The following DCDC2 variants were observed in gnomAD, a reference collection of about 807,000 sequenced individuals.
DCDC2 encodes doublecortin domain containing 2.
A neutral mutation model predicts 50.2 loss-of-function variants in DCDC2; 40 were observed. The ratio of observed to expected loss-of-function variants is 0.80; its 90% CI spans 0.62 to 1.04. DCDC2 has a LOEUF of 1.04. DCDC2 is among the 50% of genes least tolerant of loss of function. The pLI, the probability that DCDC2 is intolerant of heterozygous loss-of-function variation, is 0.00. For missense variants in DCDC2, 570 were observed against 581.9 expected, an observed-to-expected ratio of 0.98 and a Z score of 0.21; for synonymous variants, 234 against 210.6, an observed-to-expected ratio of 1.11 and a Z score of -0.96.
chr6:24,373,736 TG>T, the DCDC2 span, among the ~76,000 whole-genome samples: 1 of 152,246 alleles, frequency 6.6e-6, no homozygotes, highest in East Asian at 1.9e-4. Flanking sequence ...TTATTGTTAA[TG>T]CTTTATGCTG....
chr6:24,376,411 G>A, the DCDC2 span, among the ~76,000 whole-genome samples: 1 of 152,264 alleles, frequency 6.6e-6, no homozygotes, highest in East Asian at 1.9e-4. Flanking sequence ...GCTGGCAAGA[G>A]ACAGCGTCAT....
intron 2 of DCDC2, among the ~76,000 whole-genome samples, chr6:24,343,240 C>T (rs1249625729): frequency 3.3e-5 from 5 of 151,774 alleles, no homozygotes; most frequent in East Asian, 3.9e-4. Flanking sequence ...TTAGTAGAGA[C>T]GGGTTTCACC....
chr6:24,334,506 T>C (rs1039458266), intron 2 of DCDC2, among the ~76,000 whole-genome samples: 9 of 152,188 alleles, frequency 5.9e-5, no homozygotes, highest in Admixed American at 1.3e-4. Context: ...AAATCATCAA[T>C]AGCTGCTTTC....
At chr6:24,178,887 A>G (rs145877016) in intron 8 of DCDC2, among the ~76,000 whole-genome samples, 9 of 152,218 alleles carry the variant, frequency 5.9e-5, no homozygotes, top group South Asian at 4.2e-4. Flanking sequence ...TGAGAAAACT[A>G]AACAGGTGGA....
At chr6:24,238,337 T>C (rs1762497951) in intron 7 of DCDC2, among the ~76,000 whole-genome samples, 1 of 150,942 alleles carries the variant, frequency 6.6e-6, no homozygotes, top group East Asian at 2.0e-4. Context: ...CTTGTTCTGT[T>C]GCCCAGGCTG....
intron 2 of DCDC2, among the ~76,000 whole-genome samples, chr6:24,316,127 T>C (rs528617317): frequency 1.3e-5 from 2 of 152,246 alleles, no homozygotes; most frequent in Non-Finnish European, 2.9e-5. Flanking sequence ...ACATTACATC[T>C]GAGATGCCTA....
intron 2 of DCDC2, among the ~76,000 whole-genome samples, chr6:24,305,796 G>C (rs1022766050): frequency 7.9e-5 from 12 of 152,036 alleles, no homozygotes; most frequent in Admixed American, 2.6e-4. Flanking sequence ...GGAGGCCAAG[G>C]GGGGGTGGAT....
intron 7 of DCDC2, among the ~76,000 whole-genome samples, chr6:24,243,541 A>G (rs1167409124): frequency 6.6e-6 from 1 of 152,040 alleles, no homozygotes; most frequent in Non-Finnish European, 1.5e-5. Flanking sequence ...TATGAGTGTT[A>G]GCTATTGTTA....
At chr6:24,249,910 G>A (rs73726633) in intron 7 of DCDC2, among the ~76,000 whole-genome samples, 8,923 of 152,228 alleles carry the variant, frequency 0.059, 494 homozygotes, top group East Asian at 0.33. Context: ...GGGAATCACT[G>A]ATTGTAGTCT....
intron 7 of DCDC2, among the ~76,000 whole-genome samples, chr6:24,242,879 T>C (rs536154914): frequency 6.6e-6 from 1 of 151,984 alleles, no homozygotes; most frequent in African/African-American, 2.4e-5. Flanking sequence ...GGAGAATTGC[T>C]TGAAACCAAG....
chr6:24,223,498 G>A (rs376100185), intron 7 of DCDC2, among the ~76,000 whole-genome samples: 2 of 152,156 alleles, frequency 1.3e-5, no homozygotes, highest in East Asian at 3.8e-4. Context: ...ACTCATGCAG[G>A]TTGCAACAAT....
intron 4 of DCDC2, among the ~76,000 whole-genome samples, chr6:24,297,200 A>T (rs1228549491): frequency 1.3e-5 from 2 of 152,192 alleles, no homozygotes; most frequent in East Asian, 3.9e-4. Flanking sequence ...TCCTTTACAA[A>T]CTAACACAGG....
chr6:24,204,494 G>A (rs899000258), intron 8 of DCDC2, among the ~76,000 whole-genome samples: 14 of 152,072 alleles, frequency 9.2e-5, no homozygotes, highest in African/African-American at 3.4e-4. Context: ...TCAGGGTTTG[G>A]GGAGCTAGGG....
chr6:24,208,740 T>A (rs1309022151), intron 7 of DCDC2, among the ~76,000 whole-genome samples: 3 of 152,204 alleles, frequency 2.0e-5, no homozygotes, highest in African/African-American at 2.4e-5. Context: ...CAATTTCTTT[T>A]ACCAATTCTG....
rs1760817044 is a variant in DCDC2 at position 24,172,989 on chromosome 6, A to AATAATAATAATAAT, written c.*1740_*1741insATTATTATTATTAT. On this transcript the variant is annotated 3_prime_UTR_variant, in exon 10 of 10. Coordinates refer to ENST00000378454, the MANE Select transcript of DCDC2 (RefSeq NM_016356.5). ...GACAAGAGCAAGACTTCATCTCAAA[A>AATAATAATAATAAT]AATAATAATAATAATAATAATAATA... 1 of 145,938 alleles carries AATAATAATAATAAT rather than the reference A, an allele frequency of 6.9e-6. No individual in the cohort carries two copies. The highest frequency in any genetic ancestry group is 2.5e-5 in the African/African-American group (1 of 39,856). The allele number at this position is 145,938 out of a possible 1,614,324, so 9.0% of individuals were successfully genotyped here.
chr6:24,361,945 A>T (rs112916697), upstream of DCDC2, among the ~76,000 whole-genome samples: 50 of 152,316 alleles, frequency 3.3e-4, no homozygotes, highest in African/African-American at 1.2e-3. Flanking sequence ...AGGAGGGAAG[A>T]GAAGGCCTTA....
chr6:24,212,454 T>C (rs1041147117), intron 7 of DCDC2, among the ~76,000 whole-genome samples: 2 of 152,132 alleles, frequency 1.3e-5, no homozygotes, highest in Admixed American at 1.3e-4. Flanking sequence ...TACTTCTCTT[T>C]CTCATTCTCC....
At chr6:24,281,487 GAAA>G (rs59842458) in intron 6 of DCDC2, among the ~76,000 whole-genome samples, 33 of 83,728 alleles carry the variant, frequency 3.9e-4, no homozygotes, top group African/African-American at 1.2e-3. Flanking sequence ...ATGCTTTTAA[GAAA>G]AAAAAAAAAA....
chr6:24,209,850 A>C (rs1322475221), intron 7 of DCDC2, among the ~76,000 whole-genome samples: 15 of 152,164 alleles, frequency 9.9e-5, no homozygotes. Flanking sequence ...AGCTGTCTAG[A>C]GTCACGGTCT....
Sources: allele counts gnomAD v4.1 joint callset (sites outside exome capture counted in the v4.1 genomes callset), GRCh38; gene constraint gnomAD v4.1.1; transcripts MANE v1.5; gene names NCBI Gene and HGNC (gene_info 2026-07-23, HGNC 2026-07-21).